Variants in ARID3B observed in about 807,000 individuals in gnomAD.
ARID3B encodes the protein AT-rich interaction domain 3B, also known as AT-rich interactive domain-containing protein 3B.
Under a neutral mutation model 51.9 loss-of-function variants are expected in ARID3B, and 10 were observed. The ratio of observed to expected loss-of-function variants is 0.19; its 90% CI spans 0.12 to 0.33. The LOEUF (loss-of-function observed/expected upper bound fraction) is 0.33. ARID3B is among the 10% of genes least tolerant of loss of function. The pLI, the probability that ARID3B is intolerant of heterozygous loss-of-function variation, is 1.00. For missense variants in ARID3B, 483 were observed against 716.3 expected (o/e 0.67, Z 3.72); for synonymous variants, 205 against 279.5 (o/e 0.73, Z 2.66).
intron 2 of ARID3B, among the ~76,000 whole-genome samples, chr15:74,547,188 G>T (rs112033135): frequency 0.044 from 6,133 of 140,464 alleles, 209 homozygotes; most frequent in African/African-American, 0.094. Context: ...GACACAGAGC[G>T]CACTCTGTTG....
In ARID3B at chr15:74,584,344, C is replaced by T. The variant is rs191084378; in HGVS notation, c.698-5476C>T. 8.7e-4 allele frequency among the ~76,000 whole-genome samples: 132 copies of T among 152,352 alleles called. 1 individual carries two copies. The highest frequency in any genetic ancestry group is 3.0e-3 in the African/African-American group (125 of 41,580). Reference sequence around the variant, plus strand: ...AATGTTCAGGAAGCCTGCCTGCCTGCGCACATTCCCTGCTTAACACAGGTC... The same window carrying T: ...AATGTTCAGGAAGCCTGCCTGCCTGTGCACATTCCCTGCTTAACACAGGTC... On this transcript the variant is annotated intron_variant, in intron 4 of 8. Coordinates refer to ENST00000346246, the MANE Select transcript of ARID3B (RefSeq NM_006465.4).
intron 4 of ARID3B, among the ~76,000 whole-genome samples, chr15:74,576,348 A>T (rs1035762694): frequency 3.9e-5 from 6 of 152,168 alleles, no homozygotes; most frequent in Non-Finnish European, 8.8e-5. Context: ...GAAAGATGAG[A>T]AAGAGAATAA....
chr15:74,544,613 A>C (rs1032798056), intron 2 of ARID3B, 125 bp downstream of exon 2: 1 of 802,302 alleles, frequency 1.2e-6, no homozygotes, highest in Admixed American at 3.0e-5. Flanking sequence ...CCAACAGCCT[A>C]GACATGAATA....
At position 74,543,873 on chromosome 15, in the gene ARID3B, G is replaced by A. The variant is rs930690793; in HGVS notation, c.-64G>A. 3.9e-6 allele frequency: 6 copies of A among 1,545,456 alleles called. No homozygotes were observed. The African/African-American group carries it at 6.9e-5, about 18-fold the overall frequency. On this transcript the variant is annotated 5_prime_UTR_variant, in exon 2 of 9. The change creates a new upstream start codon in the 5' untranslated region. Transcript: ENST00000346246. ...TTAATCACTAAGGTTTAGACCCAGT[G>A]TGCCTGGTGGGCTGTGCCCAGGTTC...
At chr15:74,577,544 AG>A (rs2061742479) in intron 4 of ARID3B, among the ~76,000 whole-genome samples, 1 of 152,150 alleles carries the variant, frequency 6.6e-6, no homozygotes, top group Admixed American at 6.6e-5. Context: ...TTTTTGAGAC[AG>A]GGTCTCACTC....
intron 2 of ARID3B, among the ~76,000 whole-genome samples, chr15:74,553,065 T>G (rs1331866849): frequency 6.6e-6 from 1 of 152,200 alleles, no homozygotes; most frequent in Non-Finnish European, 1.5e-5. Context: ...TGAATGAGCT[T>G]CTGTTGCTCC....
At chr15:74,580,119 A>G (rs765894400) in intron 4 of ARID3B, among the ~76,000 whole-genome samples, 260 of 152,202 alleles carry the variant, frequency 1.7e-3, no homozygotes, top group Non-Finnish European at 3.2e-3. Flanking sequence ...TGAACCTGGG[A>G]GGCAGAGGTT....
chr15:74,544,081 C>G lies in ARID3B; in HGVS notation c.145C>G (p.Gln49Glu). The G allele has an allele frequency of 6.2e-7, 1 of 1,614,000 alleles. No individual in the cohort carries two copies. The highest frequency in any genetic ancestry group is 8.5e-7 in the Non-Finnish European group (1 of 1,179,890). Residue 49 changes from glutamine (Q) to glutamate (E), a missense_variant, in exon 2 of 9, where the codon CAG becomes GAG. This residue lies in a region of ARID3B where 182 missense variants were observed against 244.5 expected (regional missense o/e 0.74). Transcript: ENST00000346246. ...QFLYAQKLVT[Q>E]PTLLSATAGR... The stretch of plus-strand genomic sequence containing the variant: ...CTTGTATGCCCAAAAGCTGGTCACA[C>G]AGCCGACTCTCCTTTCCGCCACAGC...
intron 4 of ARID3B, among the ~76,000 whole-genome samples, chr15:74,584,521 A>T (rs973096076): frequency 2.0e-5 from 3 of 152,080 alleles, no homozygotes; most frequent in African/African-American, 7.2e-5. Context: ...GTGGGCAGGA[A>T]GGCAGCCATA....
At chr15:74,549,346 A>G (rs2061627689) in intron 2 of ARID3B, among the ~76,000 whole-genome samples, 1 of 151,948 alleles carries the variant, frequency 6.6e-6, no homozygotes, top group Non-Finnish European at 1.5e-5. Flanking sequence ...AAGTGCTGGG[A>G]TTACAGGCGT....
intron 2 of ARID3B, among the ~76,000 whole-genome samples, chr15:74,568,829 C>T (rs146374631): frequency 3.2e-4 from 49 of 152,302 alleles, no homozygotes; most frequent in African/African-American, 7.2e-4. Flanking sequence ...TTCCCACACA[C>T]GTTTCTGGGC....
chr15:74,589,710 C>T, intron 4 of ARID3B, 110 bp from the exon 5 acceptor site: 2 of 1,184,548 alleles, frequency 1.7e-6, no homozygotes, highest in Non-Finnish European at 2.4e-6. Flanking sequence ...ATTACACTTC[C>T]AGGTTGATGA....
rs368367819 is a variant in ARID3B at position 74,591,829 on chromosome 15, G to C, written c.1420+15G>C. 2 of 1,607,362 alleles carry C rather than the reference G, an allele frequency of 1.2e-6. No individual in the cohort carries two copies. Among genetic ancestry groups the C allele is most frequent in the Non-Finnish European group, 1.7e-6 (2 of 1,175,014 alleles). On this transcript the variant is annotated intron_variant, in intron 7 of 8. Coordinates refer to ENST00000346246, the MANE Select transcript of ARID3B (RefSeq NM_006465.4). The surrounding 1 kb of genome is among the most constrained non-coding windows in gnomAD (Gnocchi z 5.8). ...CAACGGCAGGGGTGAGCCAGGCTCA[G>C]GGCCGGGCCTTCCCTTCCTGGAAAC... is the stretch of plus-strand genomic sequence containing the variant.
At chr15:74,546,108 T>TCA (rs3985309) in intron 2 of ARID3B, among the ~76,000 whole-genome samples, 37,820 of 152,096 alleles carry the variant, frequency 0.25, 6,295 homozygotes, top group East Asian at 0.55. Flanking sequence ...AGGTTTTCAC[T>TCA]CATCACCCAG....
At chr15:74,593,799 G>A (rs1302598287) in intron 8 of ARID3B, among the ~76,000 whole-genome samples, 1 of 152,108 alleles carries the variant, frequency 6.6e-6, no homozygotes, top group Non-Finnish European at 1.5e-5. Flanking sequence ...CTTGCACTTT[G>A]GGAGGCTGAG....
At chr15:74,592,690 A>C (rs1186232652) in intron 7 of ARID3B, among the ~76,000 whole-genome samples, 1 of 152,138 alleles carries the variant, frequency 6.6e-6, no homozygotes, top group African/African-American at 2.4e-5. Context: ...GTGGTCATGG[A>C]GGGGAGGGGC....
At chr15:74,572,611 TCTC>T (rs2061722969) in intron 2 of ARID3B, among the ~76,000 whole-genome samples, 1 of 151,844 alleles carries the variant, frequency 6.6e-6, no homozygotes, top group Non-Finnish European at 1.5e-5. Context: ...CACCTACCCT[TCTC>T]CAACAAATGG....
In ARID3B at chr15:74,591,806, A is replaced by G; in HGVS notation, c.1412A>G (p.Asn471Ser). 1.2e-6 allele frequency: 2 copies of G among 1,612,840 alleles called. No homozygotes were observed. The highest frequency in any genetic ancestry group is 4.5e-5 in the East Asian group (2 of 44,830). The change falls in exon 7 of 9, where the codon AAC becomes AGC. Residue 471 changes from asparagine (N) to serine (S), a missense_variant. Physicochemically the swap from Asn to Ser is conservative, Grantham distance 46. Transcript: ENST00000346246. The surrounding 1 kb of genome is among the most constrained non-coding windows in gnomAD (Gnocchi z 5.8). Reference sequence around the variant, plus strand: ...CAGCTCCCCATGAAGATCAGGATCAACGGCAGGGGTGAGCCAGGCTCAGGG... The same window carrying G: ...CAGCTCCCCATGAAGATCAGGATCAGCGGCAGGGGTGAGCCAGGCTCAGGG... ...ARQLPMKIRI[N>S]GREDRAEASA...
chr15:74,596,446 G>A lies in ARID3B; in HGVS notation c.*672G>A. The A allele has an allele frequency of 4.3e-6, 1 of 233,614 alleles. No homozygotes were observed. Among genetic ancestry groups the A allele is most frequent in the African/African-American group, 2.2e-5 (1 of 45,488 alleles). The allele number at this position is 233,614 out of a possible 1,614,324, so 14.5% of individuals were successfully genotyped here. ...CAGGGCATCTGCTGATGGGAAGGCA[G>A]AGCCTCGGGGCTGCCCAGCCCTGGC... is the stretch of plus-strand genomic sequence containing the variant. On this transcript the variant is annotated 3_prime_UTR_variant, in exon 9 of 9. Coordinates refer to ENST00000346246, the MANE Select transcript of ARID3B (RefSeq NM_006465.4).
Sources: allele counts gnomAD v4.1 joint callset (sites outside exome capture counted in the v4.1 genomes callset), GRCh38; gene constraint gnomAD v4.1.1; regional missense constraint gnomAD v4.1.1; non-coding constraint Gnocchi (gnomAD v3.1); transcripts MANE v1.5; gene names NCBI Gene and HGNC (gene_info 2026-07-23, HGNC 2026-07-21).